Variants in DLG1 observed in about 807,000 individuals in gnomAD.
DLG1 encodes the protein disks large homolog 1.
A neutral mutation model predicts 123.4 loss-of-function variants in DLG1; 42 were observed. The observed-to-expected ratio is 0.34, with a 90% CI of 0.27 to 0.44. The LOEUF (loss-of-function observed/expected upper bound fraction) is 0.44, where lower values mean the gene tolerates loss of function less well. Among genes scored for constraint, DLG1 ranks in the 20% least tolerant of loss-of-function variants. The pLI, the probability that DLG1 is intolerant of heterozygous loss-of-function variation, is 1.00. For missense variants in DLG1, 942 were observed against 1,082.6 expected, an observed-to-expected ratio of 0.87 and a Z score of 1.82; for synonymous variants, 317 against 356.2, an observed-to-expected ratio of 0.89 and a Z score of 1.24.
intron 11 of DLG1, among the ~76,000 whole-genome samples, chr3:197,121,823 C>CAAA (rs71161995): frequency 0.15 from 14,922 of 101,592 alleles, 1,008 homozygotes; most frequent in Middle Eastern, 0.18. Context: ...ACAATCACCA[C>CAAA]AAAAAAAAAA....
intron 6 of DLG1, among the ~76,000 whole-genome samples, chr3:197,146,320 A>G (rs1561026169): frequency 6.6e-6 from 1 of 152,196 alleles, no homozygotes. Context: ...TTCATATGGA[A>G]CCAAAAAAGA....
intron 14 of DLG1, among the ~76,000 whole-genome samples, chr3:197,102,849 C>T (rs895462352): frequency 6.6e-6 from 1 of 152,210 alleles, no homozygotes; most frequent in Non-Finnish European, 1.5e-5. Flanking sequence ...GAGAGTGAAA[C>T]TCCATCTTAA....
At chr3:197,157,374 C>T (rs928587254) in intron 5 of DLG1, among the ~76,000 whole-genome samples, 3 of 152,130 alleles carry the variant, frequency 2.0e-5, no homozygotes, top group African/African-American at 7.2e-5. Flanking sequence ...TGTATTTCTT[C>T]TAACACTGAA....
chr3:197,213,744 T>C (rs1207741719), intron 4 of DLG1, among the ~76,000 whole-genome samples: 1 of 152,232 alleles, frequency 6.6e-6, no homozygotes, highest in Non-Finnish European at 1.5e-5. Flanking sequence ...TTAGTTATTC[T>C]TGGATAAAGG....
chr3:197,133,531 C>CA (rs1279641232), intron 10 of DLG1, among the ~76,000 whole-genome samples: 8 of 152,182 alleles, frequency 5.3e-5, no homozygotes, highest in Non-Finnish European at 8.8e-5. Flanking sequence ...ATACCTGACA[C>CA]AAGAGCTGAC....
At chr3:197,171,515 A>T (rs62283562) in intron 5 of DLG1, among the ~76,000 whole-genome samples, 20,688 of 152,226 alleles carry the variant, frequency 0.14, 1,780 homozygotes, top group South Asian at 0.35. Context: ...AATTTAAAAC[A>T]AAACAAGGTA....
At chr3:197,251,212 A>G in intron 4 of DLG1, among the ~76,000 whole-genome samples, 1 of 152,056 alleles carries the variant, frequency 6.6e-6, no homozygotes, top group East Asian at 1.9e-4. Context: ...CTCTACAAAA[A>G]CAAACAAAAA....
intron 5 of DLG1, among the ~76,000 whole-genome samples, chr3:197,154,291 G>C (rs1795320688): frequency 6.6e-6 from 1 of 151,870 alleles, no homozygotes; most frequent in Non-Finnish European, 1.5e-5. Flanking sequence ...AACAGAGCAA[G>C]ACTCTGTCAA....
At position 197,054,644 on chromosome 3, in the gene DLG1, T is replaced by G. The variant is rs552886272; in HGVS notation, c.2484-2976A>C. Among the ~76,000 whole-genome samples, 7 of 152,304 alleles carry G rather than the reference T, an allele frequency of 4.6e-5. No individual in the cohort carries two copies. In the East Asian group the frequency reaches 1.2e-3, roughly 25 times the overall value. On this transcript the variant is annotated intron_variant, in intron 23 of 24. Coordinates refer to ENST00000667157, the MANE Select transcript of DLG1 (RefSeq NM_001366207.1). ...TTGTTCATGTATCTTTTTCATCTTTTTTTTCCTTTATCTTTTTGGAGACAA... is the reference window on the plus strand; with the variant it reads ...TTGTTCATGTATCTTTTTCATCTTTGTTTTCCTTTATCTTTTTGGAGACAA...
intron 23 of DLG1, among the ~76,000 whole-genome samples, chr3:197,053,983 T>C (rs1449483505): frequency 2.0e-5 from 3 of 150,956 alleles, no homozygotes; most frequent in Non-Finnish European, 4.4e-5. Context: ...CCCTAGCTGC[T>C]TGGGAGGCCG....
At chr3:197,076,104 C>A (rs1057201231) in intron 18 of DLG1, among the ~76,000 whole-genome samples, 7 of 152,060 alleles carry the variant, frequency 4.6e-5, no homozygotes, top group Non-Finnish European at 7.4e-5. Context: ...GGTACAGAAG[C>A]AAAATTTTAG....
Position 197,239,843 on chromosome 3 carries a change from T to TAAAAAAAAA in DLG1, c.318+42827_318+42835dup, listed in dbSNP as rs3035903. Among the ~76,000 whole-genome samples the TAAAAAAAAA allele has an allele frequency of 4.0e-3, 540 of 133,966 alleles. 9 individuals are homozygous for TAAAAAAAAA. Among genetic ancestry groups the TAAAAAAAAA allele is most frequent in the Non-Finnish European group, 5.0e-3 (323 of 64,002 alleles). The allele number at this position is 133,966 out of a possible 152,430, so 87.9% of individuals were successfully genotyped here. On this transcript the variant is annotated intron_variant, in intron 4 of 24. Transcript: ENST00000667157. Reference sequence around the variant, plus strand: ...GACAGTTCAGGGGCCACAGAAAAGTTAAAAAAAAAAAAAAGAATTCTAGCA... The same window carrying TAAAAAAAAA: ...GACAGTTCAGGGGCCACAGAAAAGTTAAAAAAAAAAAAAAAAAAAAAAAGAATTCTAGCA...
chr3:197,280,071 G>A (rs1019165048), intron 4 of DLG1, among the ~76,000 whole-genome samples: 1 of 152,048 alleles, frequency 6.6e-6, no homozygotes, highest in African/African-American at 2.4e-5. Flanking sequence ...CTGTGCTACT[G>A]AACAGTAGAA....
intron 4 of DLG1, among the ~76,000 whole-genome samples, chr3:197,200,800 T>C (rs1222009751): frequency 6.6e-6 from 1 of 152,058 alleles, no homozygotes; most frequent in Non-Finnish European, 1.5e-5. Context: ...CATAATAAAA[T>C]GTCCATGACA....
At chr3:197,099,966 G>A (rs1223900025) in intron 14 of DLG1, among the ~76,000 whole-genome samples, 1 of 152,200 alleles carries the variant, frequency 6.6e-6, no homozygotes, top group Admixed American at 6.5e-5. Flanking sequence ...AGGAGGCCTT[G>A]TGGAATCTGA....
rs1415555417 is a variant in DLG1, at chr3:197,210,211, A to C, written c.319-15622T>G. Reference sequence around the variant, plus strand: ...GCTTACATTAAAAATGAAAGTTTAAAATCACTGACCTAAGGATCCACCTTG... The same window carrying C: ...GCTTACATTAAAAATGAAAGTTTAACATCACTGACCTAAGGATCCACCTTG... On this transcript the variant is annotated intron_variant, in intron 4 of 24. Coordinates refer to ENST00000667157, the MANE Select transcript of DLG1 (RefSeq NM_001366207.1). Among the ~76,000 whole-genome samples the C allele has an allele frequency of 6.2e-5, 9 of 144,158 alleles. 1 individual carries two copies. The highest frequency in any genetic ancestry group is 2.2e-4 in the African/African-American group (9 of 40,992). 94.6% of individuals were successfully genotyped at this position (144,158 alleles called of 152,430 possible). A position where few individuals can be genotyped will look rare whatever the true frequency, so the allele number is the denominator to read the frequency against.
intron 5 of DLG1, among the ~76,000 whole-genome samples, chr3:197,181,346 T>C (rs1047734534): frequency 2.0e-4 from 31 of 152,172 alleles, no homozygotes; most frequent in African/African-American, 7.5e-4. Context: ...ATTTTTGACA[T>C]CAGTGAAATA....
At chr3:197,160,838 A>G (rs1163608382) in intron 5 of DLG1, among the ~76,000 whole-genome samples, 6 of 152,004 alleles carry the variant, frequency 3.9e-5, no homozygotes, top group Admixed American at 3.9e-4. Flanking sequence ...CTACAGATCA[A>G]TAATGGCAAA....
At chr3:197,086,912 CAGT>C (rs1754719357) in intron 15 of DLG1, among the ~76,000 whole-genome samples, 2 of 150,952 alleles carry the variant, frequency 1.3e-5, no homozygotes, top group South Asian at 2.1e-4. Flanking sequence ...CAAAATGTAA[CAGT>C]ATTATTGAAC....
Sources: allele counts gnomAD v4.1 joint callset (sites outside exome capture counted in the v4.1 genomes callset), GRCh38; gene constraint gnomAD v4.1.1; transcripts MANE v1.5; gene names NCBI Gene and HGNC (gene_info 2026-07-23, HGNC 2026-07-21).